Variants in DHX33 observed in about 807,000 individuals in gnomAD.
DHX33 encodes the protein ATP-dependent RNA helicase DHX33.
DHX33 carries 42 observed loss-of-function variants against 72.5 expected under a neutral mutation model. The ratio of observed to expected loss-of-function variants is 0.58; its 90% CI spans 0.45 to 0.75. The LOEUF (loss-of-function observed/expected upper bound fraction) is 0.75, where lower values mean the gene tolerates loss of function less well. DHX33 is among the 30% of genes least tolerant of loss of function. DHX33 has a pLI of 0.00. For missense variants in DHX33, 842 were observed against 917.5 expected, an observed-to-expected ratio of 0.92 and a Z score of 1.06; for synonymous variants, 358 against 366.1, an observed-to-expected ratio of 0.98 and a Z score of 0.25.
chr17:5,466,569 G>A (rs956113678), intron 1 of DHX33, among the ~76,000 whole-genome samples: 1 of 152,180 alleles, frequency 6.6e-6, no homozygotes, highest in African/African-American at 2.4e-5. Flanking sequence ...TAGTGTCAGA[G>A]ATAGTCTGTG....
rs778664233 is a variant in DHX33, at chr17:5,468,863, G to C, written c.-4C>G. ...GGAAGCCCGCCTCCTCCGGCATGTC[G>C]GGAGGGCACCGCGGCGGGAGGCGCA... On this transcript the variant is annotated 5_prime_UTR_variant, in exon 1 of 12. Transcript: ENST00000225296. The C allele has an allele frequency of 2.8e-4, 442 of 1,552,396 alleles. 1 individual carries two copies. The highest frequency in any genetic ancestry group is 3.7e-4 in the Non-Finnish European group (423 of 1,148,490).
rs772149422 is a variant in DHX33 at position 5,453,813 on chromosome 17, G to A, written c.1307+8C>T. On this transcript the variant is annotated splice_region_variant and intron_variant, in intron 7 of 11. Transcript: ENST00000225296. The stretch of plus-strand genomic sequence containing the variant: ...AACAGCAGCAGTGCAGGAGCAACTG[G>A]TGCCTACCTCTGGATCTCTGGCACG... The A allele has an allele frequency of 1.4e-5, 22 of 1,613,726 alleles. No individual in the cohort carries two copies. The highest frequency in any genetic ancestry group is 1.6e-4 in the Middle Eastern group (1 of 6,076).
rs1386693479 is a variant in DHX33, at chr17:5,444,137, C to G, written c.*68G>C. 2.6e-6 allele frequency: 4 copies of G among 1,531,870 alleles called. No individual in the cohort carries two copies. Among genetic ancestry groups the G allele is most frequent in the South Asian group, 2.6e-5 (2 of 77,778 alleles). The allele number at this position is 1,531,870 out of a possible 1,614,324, so 94.9% of individuals were successfully genotyped here. On this transcript the variant is annotated 3_prime_UTR_variant, in exon 12 of 12. Coordinates refer to ENST00000225296, the MANE Select transcript of DHX33 (RefSeq NM_020162.4). This position sits in a 1 kb window ranked among gnomAD's most constrained non-coding sequence, Gnocchi z 4.9. Reference sequence around the variant, plus strand: ...GCTTCTCTAAGCGCCAACCTGGAAGCCTGCTGTAAGGACAACTGTAGTCCA... The same window carrying G: ...GCTTCTCTAAGCGCCAACCTGGAAGGCTGCTGTAAGGACAACTGTAGTCCA...
chr17:5,445,783 A>C (rs1383561004), intron 11 of DHX33, among the ~76,000 whole-genome samples: 1 of 152,220 alleles, frequency 6.6e-6, no homozygotes, highest in Non-Finnish European at 1.5e-5. Context: ...AGGGCACTCA[A>C]AGCAAGAGAA....
chr17:5,449,697 A>G (rs1281661742), intron 10 of DHX33, among the ~76,000 whole-genome samples: 1 of 152,238 alleles, frequency 6.6e-6, no homozygotes, highest in Admixed American at 6.5e-5. Flanking sequence ...CTGGCTTCCC[A>G]AAGTGCTGGG....
chr17:5,451,730 T>C (rs1036302675), intron 8 of DHX33, among the ~76,000 whole-genome samples: 1 of 152,208 alleles, frequency 6.6e-6, no homozygotes, highest in African/African-American at 2.4e-5. Flanking sequence ...GTAGTAAATA[T>C]ATACATCCCA....
chr17:5,444,623 T>C lies in DHX33; in HGVS notation c.1816-110A>G. ...CCACTGGGGCAAAAGCAGCCCACATTGTGAGCCTAACGATGTGGATTCTGA... is the reference window on the plus strand; with the variant it reads ...CCACTGGGGCAAAAGCAGCCCACATCGTGAGCCTAACGATGTGGATTCTGA... On this transcript the variant is annotated intron_variant, in intron 11 of 11. Transcript: ENST00000225296. This position sits in a 1 kb window ranked among gnomAD's most constrained non-coding sequence, Gnocchi z 4.9. The C allele has an allele frequency of 8.9e-7, 1 of 1,129,284 alleles. No individual in the cohort carries two copies. Among genetic ancestry groups the C allele is most frequent in the Non-Finnish European group, 1.3e-6 (1 of 799,002 alleles). 70.0% of individuals were successfully genotyped at this position (1,129,284 alleles called of 1,614,324 possible).
Position 5,456,186 on chromosome 17 carries a change from TA to T in DHX33, c.850-5del. ...TGTCCTGTGAAGAAGGGGCTTCCTG[TA>T]AAAAAAGTAGAGTGGGTTTACTAGG... is the stretch of plus-strand genomic sequence containing the variant. On this transcript the variant is annotated splice_region_variant and splice_polypyrimidine_tract_variant and intron_variant, in intron 4 of 11. Coordinates refer to ENST00000225296, the MANE Select transcript of DHX33 (RefSeq NM_020162.4). The T allele has an allele frequency of 1.2e-6, 2 of 1,612,286 alleles. No homozygotes were observed. The highest frequency in any genetic ancestry group is 1.1e-5 in the South Asian group (1 of 91,022).
chr17:5,467,483 A>C (rs1904925160), intron 1 of DHX33, among the ~76,000 whole-genome samples: 2 of 152,198 alleles, frequency 1.3e-5, no homozygotes, highest in Non-Finnish European at 2.9e-5. Context: ...TTAATAAAAA[A>C]CCGCCTAAAT....
At position 5,442,746 on chromosome 17, in the gene DHX33, C is replaced by T. The variant is rs1916482838; in HGVS notation, c.*1459G>A. ...TCATTCATTAAGAAATGACAAAACA[C>T]CCCACAGATGTATTTGGACCAAGTA... On this transcript the variant is annotated 3_prime_UTR_variant, in exon 12 of 12. Transcript: ENST00000225296. 6.6e-6 allele frequency: 1 copy of T among 152,170 alleles called. No individual in the cohort carries two copies. Among genetic ancestry groups the T allele is most frequent in the African/African-American group, 2.4e-5 (1 of 41,436 alleles). The allele number at this position is 152,170 out of a possible 1,614,324, so 9.4% of individuals were successfully genotyped here.
chr17:5,459,000 C>T (rs1245970290), intron 4 of DHX33, among the ~76,000 whole-genome samples: 1 of 152,000 alleles, frequency 6.6e-6, no homozygotes. Context: ...GAGTTTGAGA[C>T]CAGTCCGGGC....
chr17:5,453,972 G>C lies in DHX33; in HGVS notation c.1156C>G (p.Leu386Val). The change falls in exon 7 of 12, where the codon CTT becomes GTT. Residue 386 changes from leucine to valine, a missense_variant. Physicochemically the swap from Leu to Val is conservative, Grantham distance 32 (BLOSUM62 1). Transcript: ENST00000225296. Reference protein sequence around the residue: ...KAKKYNPDSGLEVLAVQRVSK... With the variant: ...KAKKYNPDSGVEVLAVQRVSK... ...ACCCGCTGCACTGCTAACACCTCAA[G>C]ACCACTGTCTGGATGGAGAGTGAGC... The C allele has an allele frequency of 6.2e-7, 1 of 1,613,648 alleles. No homozygotes were observed. The highest frequency in any genetic ancestry group is 8.5e-7 in the Non-Finnish European group (1 of 1,179,948).
At chr17:5,467,550 T>C (rs1248542306) in intron 1 of DHX33, among the ~76,000 whole-genome samples, 1 of 151,704 alleles carries the variant, frequency 6.6e-6, no homozygotes, top group Non-Finnish European at 1.5e-5. Flanking sequence ...ACAAATAACA[T>C]CTCCAGCCAG....
At position 5,468,933 on chromosome 17, in the gene DHX33, C is replaced by G. The variant is rs1454632039; in HGVS notation, c.-74G>C. The G allele has an allele frequency of 6.7e-7, 1 of 1,482,906 alleles. No homozygotes were observed. 91.9% of individuals were successfully genotyped at this position (1,482,906 alleles called of 1,614,324 possible). On this transcript the variant is annotated 5_prime_UTR_variant, in exon 1 of 12. Coordinates refer to ENST00000225296, the MANE Select transcript of DHX33 (RefSeq NM_020162.4). Reference sequence around the variant, plus strand: ...CCCTCTCAGGTGCAGACAACAGGAGCACACCGCCCCTTCCTCGCCGCCACG... The same window carrying G: ...CCCTCTCAGGTGCAGACAACAGGAGGACACCGCCCCTTCCTCGCCGCCACG...
At chr17:5,457,955 A>G (rs1904398283) in intron 4 of DHX33, among the ~76,000 whole-genome samples, 1 of 152,222 alleles carries the variant, frequency 6.6e-6, no homozygotes, top group South Asian at 2.1e-4. Context: ...AGAAAAGGCA[A>G]TGAGAGATGA....
Position 5,462,325 on chromosome 17 carries a change from A to G in DHX33, c.672T>C (p.Pro224=), listed in dbSNP as rs780872556. ...GGGGAAGTTTCCCTCATACTTTCAG[A>G]GGAAGTTTCCCGAGTTCCTTTCTCC... The part of the protein sequence containing the change: ...QKRRKELGKL[P]LKVIVMSATM... Residue 224 remains proline (P), a synonymous_variant, in exon 3 of 12, where the codon CCT becomes CCC. Transcript: ENST00000225296. 2.9e-5 allele frequency: 47 copies of G among 1,612,888 alleles called. No homozygotes were observed. The highest frequency in any genetic ancestry group is 1.3e-4 in the Admixed American group (8 of 59,938).
intron 4 of DHX33, among the ~76,000 whole-genome samples, chr17:5,458,962 C>T (rs1162153687): frequency 6.6e-6 from 1 of 152,124 alleles, no homozygotes; most frequent in Non-Finnish European, 1.5e-5. Context: ...CTTTGGGAGG[C>T]TGAGTCGGGA....
chr17:5,449,005 G>A, intron 10 of DHX33, 110 bp from the exon 11 acceptor site: 2 of 721,216 alleles, frequency 2.8e-6, no homozygotes, highest in Non-Finnish European at 4.4e-6. Flanking sequence ...TACAATCATA[G>A]CTCACTGCAA....
intron 3 of DHX33, among the ~76,000 whole-genome samples, chr17:5,461,772 C>G (rs1904636701): frequency 6.6e-6 from 1 of 151,160 alleles, no homozygotes; most frequent in South Asian, 2.1e-4. Context: ...TGGTCTCGAT[C>G]TCCTGACCTC....
Sources: allele counts gnomAD v4.1 joint callset (sites outside exome capture counted in the v4.1 genomes callset), GRCh38; gene constraint gnomAD v4.1.1; non-coding constraint Gnocchi (gnomAD v3.1); transcripts MANE v1.5; gene names NCBI Gene and HGNC (gene_info 2026-07-23, HGNC 2026-07-21).